WDR44: variants seen among roughly 807,000 people sequenced by gnomAD.
WDR44 encodes the protein WD repeat domain 44.
WDR44 carries 9 observed loss-of-function variants against 65.7 expected under a neutral mutation model. That is an observed-to-expected ratio of 0.14 (90% CI 0.08 to 0.24). The LOEUF (loss-of-function observed/expected upper bound fraction) is 0.24, where lower values mean the gene tolerates loss of function less well. WDR44 is among the 10% of genes least tolerant of loss of function. WDR44 has a pLI of 1.00. For synonymous variants in WDR44, 220 were observed against 235.2 expected, an observed-to-expected ratio of 0.94 and a Z score of 0.59; for missense variants, 425 against 670.9, an observed-to-expected ratio of 0.63 and a Z score of 4.05.
At chrX:118,425,813 C>G (rs1262413109) in intron 12 of WDR44, among the ~76,000 whole-genome samples, 2 of 111,278 alleles carry the variant, frequency 1.8e-5, no homozygotes. Context: ...TGGCCCATAC[C>G]TGTAATCCCA....
chrX:118,354,339 G>A (rs1334388365), intron 1 of WDR44, among the ~76,000 whole-genome samples: 3 of 109,833 alleles, frequency 2.7e-5, no homozygotes, highest in Non-Finnish European at 5.7e-5. Context: ...GATTGCTTGG[G>A]CCCAGGAGGT....
intron 1 of WDR44, among the ~76,000 whole-genome samples, chrX:118,378,042 C>T (rs1401867223): frequency 9.1e-6 from 1 of 110,411 alleles, no homozygotes; most frequent in East Asian, 2.8e-4. Context: ...CTGAAACCTC[C>T]GCCTCCCGGT....
At chrX:118,364,060 G>C (rs1468581400) in intron 1 of WDR44, among the ~76,000 whole-genome samples, 1 of 112,312 alleles carries the variant, frequency 8.9e-6, no homozygotes, top group Non-Finnish European at 1.9e-5. Flanking sequence ...CATGCATTAA[G>C]TGATTAATTC....
intron 1 of WDR44, among the ~76,000 whole-genome samples, chrX:118,352,657 G>A (rs2056425698): frequency 9.1e-6 from 1 of 109,629 alleles, no homozygotes; most frequent in South Asian, 3.9e-4. Flanking sequence ...TCATTGTTAA[G>A]ACTTTGACAG....
chrX:118,376,802 G>A (rs1453953328), intron 1 of WDR44, among the ~76,000 whole-genome samples: 2 of 108,780 alleles, frequency 1.8e-5, no homozygotes, highest in East Asian at 2.9e-4. Context: ...CCAGGAGTTC[G>A]AGACCACCTT....
At chrX:118,420,574 C>T (rs1460104607) in intron 12 of WDR44, among the ~76,000 whole-genome samples, 1 of 111,859 alleles carries the variant, frequency 8.9e-6, no homozygotes, top group Non-Finnish European at 1.9e-5. Flanking sequence ...AATCTTTTGA[C>T]GGCCCTTTAT....
intron 1 of WDR44, among the ~76,000 whole-genome samples, chrX:118,376,343 T>C (rs1314447164): frequency 9.0e-6 from 1 of 111,596 alleles, no homozygotes; most frequent in East Asian, 2.8e-4. Context: ...ACCAAAGGAA[T>C]CATTACCCAG....
At chrX:118,352,339 TATATATATATATA>T (rs1376238554) in intron 1 of WDR44, among the ~76,000 whole-genome samples, 3 of 21,702 alleles carry the variant, frequency 1.4e-4, no homozygotes, top group African/African-American at 1.1e-3. Context: ...TATATATATA[TATATATATATATA>T]TTTTTTTTTT....
chrX:118,364,561 T>C (rs1474894136), intron 1 of WDR44, among the ~76,000 whole-genome samples: 2 of 112,505 alleles, frequency 1.8e-5, no homozygotes, highest in Non-Finnish European at 3.8e-5. Context: ...ACCCTTTGTA[T>C]TTCAATGCCT....
chrX:118,432,852 T>C lies in WDR44; in HGVS notation c.1809T>C (p.Tyr603=). The change falls in exon 13 of 20, where the codon TAT becomes TAC. Residue 603 remains tyrosine (Y), a synonymous_variant. Coordinates refer to ENST00000254029, the MANE Select transcript of WDR44 (RefSeq NM_019045.5). Reference sequence around the variant, plus strand: ...TTCGGCAACGGCCATTTTGCAAATATAAAGGACATACTGCTGATCTCCTTG... The same window carrying C: ...TTCGGCAACGGCCATTTTGCAAATACAAAGGACATACTGCTGATCTCCTTG... ...APFRQRPFCK[Y]KGHTADLLDL... 1.7e-6 allele frequency: 2 copies of C among 1,211,396 alleles called. No individual in the cohort carries two copies. Among genetic ancestry groups the C allele is most frequent in the Non-Finnish European group, 2.2e-6 (2 of 894,921 alleles).
intron 12 of WDR44, among the ~76,000 whole-genome samples, chrX:118,423,345 A>G (rs889543673): frequency 4.5e-5 from 5 of 110,553 alleles, no homozygotes; most frequent in African/African-American, 1.3e-4. Context: ...ATTTTTTTGT[A>G]TTTAGTAGAG....
At chrX:118,349,322 C>A (rs1324746816) in intron 1 of WDR44, among the ~76,000 whole-genome samples, 1 of 106,747 alleles carries the variant, frequency 9.4e-6, no homozygotes, top group African/African-American at 3.4e-5. Context: ...TCATGGCTCA[C>A]TGCAGCATCA....
At chrX:118,383,188 A>C (rs1259479796) in intron 2 of WDR44, among the ~76,000 whole-genome samples, 4 of 112,387 alleles carry the variant, frequency 3.6e-5, no homozygotes, top group Non-Finnish European at 7.5e-5. Context: ...ACTATCTTTT[A>C]AAAGTTCAGA....
chrX:118,438,030 T>TAA (rs775585860), intron 14 of WDR44, among the ~76,000 whole-genome samples: 10,160 of 86,769 alleles, frequency 0.12, 590 homozygotes, highest in Admixed American at 0.26. Flanking sequence ...TGTCTCAAAA[T>TAA]AAAAAAAAAA....
intron 1 of WDR44, among the ~76,000 whole-genome samples, chrX:118,369,974 G>A (rs2056600145): frequency 8.9e-6 from 1 of 111,899 alleles, no homozygotes; most frequent in East Asian, 2.8e-4. Flanking sequence ...TTATTTTGAA[G>A]CTGTTTCAGA....
intron 1 of WDR44, 150 bp downstream of exon 1, chrX:118,346,730 G>T: frequency 2.3e-6 from 1 of 438,796 alleles, no homozygotes; most frequent in Non-Finnish European, 3.7e-6. Flanking sequence ...CAGACCTGGG[G>T]CTTCTTAGGG....
At chrX:118,429,692 T>C (rs1181836330) in intron 12 of WDR44, among the ~76,000 whole-genome samples, 1 of 111,737 alleles carries the variant, frequency 8.9e-6, no homozygotes, top group African/African-American at 3.2e-5. Context: ...TATTTGTTTG[T>C]TTTTGTTTTT....
At position 118,405,492 on chromosome X, in the gene WDR44, A is replaced by G. The variant is rs1372236246; in HGVS notation, c.1381+1048A>G. Among the ~76,000 whole-genome samples, 3 of 110,849 alleles carry G rather than the reference A, an allele frequency of 2.7e-5. 1 individual carries two copies. The Admixed American group carries it at 2.9e-4, about 11-fold the overall frequency. On this transcript the variant is annotated intron_variant, in intron 9 of 19. Coordinates refer to ENST00000254029, the MANE Select transcript of WDR44 (RefSeq NM_019045.5). ...GTAGCTGGGATTACAGGCACCTGCC[A>G]CCACACCTGGCTAATTTTTGTATTT...
At chrX:118,365,507 C>CA (rs200718518) in intron 1 of WDR44, among the ~76,000 whole-genome samples, 87 of 97,307 alleles carry the variant, frequency 8.9e-4, no homozygotes, top group African/African-American at 2.3e-3. Context: ...ACCCTGTCTC[C>CA]AAAAAAAAAA....
Sources: allele counts gnomAD v4.1 joint callset (sites outside exome capture counted in the v4.1 genomes callset), GRCh38; gene constraint gnomAD v4.1.1; transcripts MANE v1.5; gene names NCBI Gene and HGNC (gene_info 2026-07-23, HGNC 2026-07-21).